CNTNAP2: variants seen among roughly 807,000 people sequenced by gnomAD.
CNTNAP2 encodes the protein contactin-associated protein-like 2.
A neutral mutation model predicts 155.2 loss-of-function variants in CNTNAP2; 98 were observed. The ratio of observed to expected loss-of-function variants is 0.63; its 90% confidence interval spans 0.54 to 0.75. The LOEUF (loss-of-function observed/expected upper bound fraction) is 0.75. CNTNAP2 is among the 30% of genes least tolerant of loss of function. CNTNAP2 has a pLI of 0.00. For synonymous variants in CNTNAP2, 651 were observed against 631.2 expected (o/e 1.03, Z -0.47); for missense variants, 1,727 against 1,688.1 (o/e 1.02, Z -0.40).
chr7:147,834,048 T>TAA lies in CNTNAP2; in HGVS notation c.2099-69517_2099-69516insAA, dbSNP rs1798595746. 2.6e-5 allele frequency among the ~76,000 whole-genome samples: 4 copies of TAA among 152,346 alleles called. No individual in the cohort carries two copies. In the East Asian group the frequency reaches 7.7e-4, roughly 29 times the overall value. On this transcript the variant is annotated intron_variant, in intron 13 of 23. Transcript: ENST00000361727. ...TGAAAGATTAGATATGGGTTACTTT[T>TAA]TCTTTCCACACTAGTGAGTCAATAT... is the stretch of plus-strand genomic sequence containing the variant.
chr7:146,841,339 A>G (rs1803718545), intron 3 of CNTNAP2, among the ~76,000 whole-genome samples: 1 of 144,606 alleles, frequency 6.9e-6, no homozygotes. Flanking sequence ...TTTGGCAGAG[A>G]GAGAGAGGGG....
At chr7:147,705,829 T>A (rs1395468823) in intron 13 of CNTNAP2, among the ~76,000 whole-genome samples, 1 of 152,190 alleles carries the variant, frequency 6.6e-6, no homozygotes, top group Non-Finnish European at 1.5e-5. Context: ...TGTTTACTGT[T>A]TTTGACTTAA....
intron 9 of CNTNAP2, among the ~76,000 whole-genome samples, chr7:147,351,749 T>C (rs143752428): frequency 3.0e-3 from 453 of 151,920 alleles, no homozygotes; most frequent in African/African-American, 0.011. Context: ...CTCAGAGTGT[T>C]CTATCACAAA....
intron 1 of CNTNAP2, among the ~76,000 whole-genome samples, chr7:146,352,667 A>G (rs1261025732): frequency 7.1e-6 from 1 of 141,172 alleles, no homozygotes; most frequent in African/African-American, 2.7e-5. Flanking sequence ...TCTTTGGGAG[A>G]TTTATTATAA....
At chr7:148,052,993 G>A (rs911853083) in intron 15 of CNTNAP2, among the ~76,000 whole-genome samples, 2 of 152,168 alleles carry the variant, frequency 1.3e-5, no homozygotes, top group African/African-American at 4.8e-5. Flanking sequence ...ATTTCAGTGA[G>A]CCTAAATCAC....
intron 15 of CNTNAP2, among the ~76,000 whole-genome samples, chr7:148,027,088 G>T (rs553094864): frequency 4.9e-4 from 75 of 152,168 alleles, no homozygotes; most frequent in Middle Eastern, 3.4e-3. Flanking sequence ...TTTTTCTGTG[G>T]GTTTTCACAC....
At chr7:147,541,612 A>C (rs925933768) in intron 11 of CNTNAP2, among the ~76,000 whole-genome samples, 1 of 152,330 alleles carries the variant, frequency 6.6e-6, no homozygotes, top group Non-Finnish European at 1.5e-5. Flanking sequence ...CAATAAAATC[A>C]ATGTGGTCAA....
At chr7:148,040,091 A>G (rs1802642581) in intron 15 of CNTNAP2, among the ~76,000 whole-genome samples, 1 of 152,202 alleles carries the variant, frequency 6.6e-6, no homozygotes, top group African/African-American at 2.4e-5. Flanking sequence ...CTTTCTCTTG[A>G]GGTTTTCACC....
intron 9 of CNTNAP2, among the ~76,000 whole-genome samples, chr7:147,328,309 A>G (rs1254264206): frequency 6.6e-6 from 1 of 152,216 alleles, no homozygotes; most frequent in Non-Finnish European, 1.5e-5. Flanking sequence ...TAGATCAGTG[A>G]TACAAATTTT....
At chr7:146,691,737 G>A (rs536822008) in intron 1 of CNTNAP2, among the ~76,000 whole-genome samples, 6 of 152,112 alleles carry the variant, frequency 3.9e-5, no homozygotes, top group South Asian at 2.1e-4. Flanking sequence ...TACCAACCCC[G>A]AAACTCTCCT....
chr7:148,118,545 A>G (rs934492836), intron 16 of CNTNAP2, among the ~76,000 whole-genome samples: 5 of 152,152 alleles, frequency 3.3e-5, no homozygotes, highest in African/African-American at 1.2e-4. Flanking sequence ...CACCGCCCTG[A>G]GAATGTGGGA....
At chr7:147,342,847 G>A (rs114288961) in intron 9 of CNTNAP2, among the ~76,000 whole-genome samples, 2,435 of 152,056 alleles carry the variant, frequency 0.016, 67 homozygotes, top group African/African-American at 0.055. Flanking sequence ...AAAACTAAGG[G>A]TGCTCCCAAA....
chr7:146,772,648 A>C (rs35167752), intron 1 of CNTNAP2, among the ~76,000 whole-genome samples: 1 of 151,974 alleles, frequency 6.6e-6, no homozygotes, highest in Admixed American at 6.5e-5. Flanking sequence ...CAGCCTGGGC[A>C]ACAGAGTGAC....
intron 1 of CNTNAP2, among the ~76,000 whole-genome samples, chr7:146,477,201 G>C (rs1299263850): frequency 2.6e-5 from 4 of 152,106 alleles, no homozygotes; most frequent in Admixed American, 6.5e-5. Context: ...CCACTACCTA[G>C]TCATGAAATT....
rs146384365 is a variant in CNTNAP2 at position 147,724,602 on chromosome 7, C to G, written c.2098+85296C>G. Among the ~76,000 whole-genome samples, 135 of 152,062 alleles carry G rather than the reference C, an allele frequency of 8.9e-4. 2 individuals carry two copies. In the East Asian group the frequency reaches 0.017, roughly 19 times the overall value. On this transcript the variant is annotated intron_variant, in intron 13 of 23. Transcript: ENST00000361727. Reference sequence around the variant, plus strand: ...TCAGTGGGATTGAAAAATACTTGTTCCCTGGAAGCTACAGTAGGAATGCTC... The same window carrying G: ...TCAGTGGGATTGAAAAATACTTGTTGCCTGGAAGCTACAGTAGGAATGCTC...
chr7:146,272,172 G>A (rs1034661349), intron 1 of CNTNAP2, among the ~76,000 whole-genome samples: 3 of 152,110 alleles, frequency 2.0e-5, no homozygotes. Context: ...ATTGTGGAAG[G>A]GGAAGCAAAC....
intron 15 of CNTNAP2, among the ~76,000 whole-genome samples, chr7:148,098,444 GAAAAAAAAAAA>G (rs61014019): frequency 5.3e-5 from 3 of 56,406 alleles, no homozygotes; most frequent in Admixed American, 3.5e-4. Flanking sequence ...CTCTGTCTCA[GAAAAAAAAAAA>G]AAAAAAAAAA....
intron 1 of CNTNAP2, among the ~76,000 whole-genome samples, chr7:146,175,365 T>C (rs1331411988): frequency 6.6e-6 from 1 of 152,172 alleles, no homozygotes; most frequent in Non-Finnish European, 1.5e-5. Context: ...TTTGAGGAAG[T>C]GAAGGATGAA....
At chr7:146,799,164 C>G (rs996972202) in intron 2 of CNTNAP2, among the ~76,000 whole-genome samples, 3 of 152,226 alleles carry the variant, frequency 2.0e-5, no homozygotes, top group Admixed American at 2.0e-4. Context: ...TGTTTTAGAT[C>G]AATTTCTTTG....
Sources: gnomAD v4.1 joint callset for allele counts (sites outside exome capture counted in the v4.1 genomes callset) on GRCh38, gnomAD v4.1.1 for gene constraint, MANE v1.5 for transcripts, NCBI Gene and HGNC (gene_info 2026-07-23, HGNC 2026-07-21) for gene names.